The following CLVS1 variants were observed in gnomAD, a reference collection of about 807,000 sequenced individuals.
CLVS1 encodes clavesin-1.
A neutral mutation model predicts 33.1 loss-of-function variants in CLVS1; 10 were observed. The ratio of observed to expected loss-of-function variants is 0.30; its 90% CI spans 0.19 to 0.51. CLVS1 has a LOEUF of 0.51. CLVS1 is among the 20% of genes least tolerant of loss of function. The probability of loss-of-function intolerance (pLI) is 0.97; values close to 1 mark genes in which losing one functional copy is unlikely to be tolerated. For synonymous variants in CLVS1, 163 were observed against 166.1 expected, an observed-to-expected ratio of 0.98 and a Z score of 0.14; for missense variants, 343 against 433.4, an observed-to-expected ratio of 0.79 and a Z score of 1.85.
chr8:61,271,977 C>G (rs1316344819), intron 2 of CLVS1, among the ~76,000 whole-genome samples: 2 of 151,838 alleles, frequency 1.3e-5, no homozygotes, highest in East Asian at 3.9e-4. Flanking sequence ...TTAATTGGAG[C>G]ATTTAGTCCA....
chr8:60,982,864 G>A, the CLVS1 span, among the ~76,000 whole-genome samples: 1 of 152,126 alleles, frequency 6.6e-6, no homozygotes, highest in South Asian at 2.1e-4. Flanking sequence ...CTTGAGACAA[G>A]GAGTTTAAGG....
intron 1 of CLVS1, among the ~76,000 whole-genome samples, chr8:61,113,956 C>A (rs1328844173): frequency 6.6e-6 from 1 of 152,174 alleles, no homozygotes; most frequent in South Asian, 2.1e-4. Context: ...TTACATCAGA[C>A]GACAGCTGAC....
chr8:61,218,588 G>A (rs1404975351), intron 2 of CLVS1, among the ~76,000 whole-genome samples: 1 of 150,964 alleles, frequency 6.6e-6, no homozygotes, highest in Non-Finnish European at 1.5e-5. Context: ...TATATGTATT[G>A]AAACATTACT....
the CLVS1 span, among the ~76,000 whole-genome samples, chr8:60,992,554 C>A: frequency 6.6e-6 from 1 of 152,150 alleles, no homozygotes; most frequent in Non-Finnish European, 1.5e-5. Context: ...AACATTTGTA[C>A]TGGAGAGAAA....
At chr8:61,192,887 C>T (rs1036103596) in intron 2 of CLVS1, among the ~76,000 whole-genome samples, 18 of 151,874 alleles carry the variant, frequency 1.2e-4, no homozygotes, top group African/African-American at 3.6e-4. Context: ...CTGGAGAGGA[C>T]GTGGAGAAAT....
At chr8:61,172,473 T>C (rs542747476) in intron 2 of CLVS1, among the ~76,000 whole-genome samples, 1 of 152,246 alleles carries the variant, frequency 6.6e-6, no homozygotes, top group African/African-American at 2.4e-5. Flanking sequence ...TTTTGCAAAA[T>C]ATGTAATGCA....
intron 2 of CLVS1, among the ~76,000 whole-genome samples, chr8:61,276,191 G>T (rs974309639): frequency 4.5e-4 from 69 of 152,162 alleles, no homozygotes; most frequent in Non-Finnish European, 1.0e-4. Context: ...ATCCAGATTG[G>T]TAATTAGAAA....
chr8:61,342,335 G>C (rs562059650), intron 2 of CLVS1, among the ~76,000 whole-genome samples: 127 of 152,302 alleles, frequency 8.3e-4, no homozygotes, highest in Middle Eastern at 3.4e-3. Flanking sequence ...CCCTGAAAAG[G>C]GGGGATGGTA....
chr8:61,274,268 C>T (rs1380077294), intron 2 of CLVS1, among the ~76,000 whole-genome samples: 3 of 152,118 alleles, frequency 2.0e-5, no homozygotes, highest in Non-Finnish European at 4.4e-5. Context: ...TTTAGGGAAT[C>T]TATTTCATTC....
At chr8:61,376,032 C>A (rs367841417) in intron 2 of CLVS1, among the ~76,000 whole-genome samples, 17 of 152,202 alleles carry the variant, frequency 1.1e-4, no homozygotes, top group African/African-American at 4.1e-4. Context: ...GAAAATAAGT[C>A]ATACTTCCTG....
intron 2 of CLVS1, among the ~76,000 whole-genome samples, chr8:61,375,378 G>T (rs1220468391): frequency 1.3e-5 from 2 of 151,722 alleles, no homozygotes; most frequent in Non-Finnish European, 2.9e-5. Context: ...AGCCTCCCAA[G>T]TAGCTGGGAT....
Position 61,059,475 on chromosome 8 carries a change from C to CATACATATATATAT in CLVS1, c.-243+2248_-243+2249insCATATATATATATA, listed in dbSNP as rs59538219. On this transcript the variant is annotated intron_variant, in intron 1 of 2. Transcript: ENST00000522621. ...ACACACACATATACATACATACATA[C>CATACATATATATAT]ATATATATATATATATATATATATA... 4.4e-4 allele frequency among the ~76,000 whole-genome samples: 22 copies of CATACATATATATAT among 50,176 alleles called. 1 individual carries two copies. Among genetic ancestry groups the CATACATATATATAT allele is most frequent in the African/African-American group, 1.1e-3 (18 of 16,792 alleles). 32.9% of individuals were successfully genotyped at this position (50,176 alleles called of 152,430 possible).
chr8:61,135,934 C>T lies in CLVS1; in HGVS notation c.-152+4074C>T, dbSNP rs192505392. On this transcript the variant is annotated intron_variant, in intron 2 of 2. Transcript: ENST00000522621. ...TGGGCCTGTGCCCTCTCGGGCTCTCCGGCTGACTCTCTGTGGTGATGACTG... is the reference window on the plus strand; with the variant it reads ...TGGGCCTGTGCCCTCTCGGGCTCTCTGGCTGACTCTCTGTGGTGATGACTG... Among the ~76,000 whole-genome samples the T allele has an allele frequency of 3.3e-3, 496 of 152,326 alleles. 3 individuals are homozygous for T. The highest frequency in any genetic ancestry group is 5.7e-3 in the Non-Finnish European group (385 of 68,032).
At chr8:61,472,893 T>C (rs1379309897) in intron 5 of CLVS1, among the ~76,000 whole-genome samples, 2 of 152,134 alleles carry the variant, frequency 1.3e-5, no homozygotes, top group Admixed American at 6.5e-5. Flanking sequence ...GCAGGTGTTA[T>C]CTGCTGAAGA....
At chr8:61,274,170 T>G (rs1402948668) in intron 2 of CLVS1, 1 of 152,190 alleles carries the variant, frequency 6.6e-6, no homozygotes, top group Non-Finnish European at 1.5e-5. Flanking sequence ...CAACAGTAAT[T>G]TATTGAACAC....
chr8:61,495,446 G>T (rs1326261912), intron 5 of CLVS1, among the ~76,000 whole-genome samples: 1 of 152,280 alleles, frequency 6.6e-6, no homozygotes, highest in East Asian at 1.9e-4. Flanking sequence ...CATTATTTGA[G>T]AATTTGATTT....
chr8:61,439,283 G>A (rs1816454883), intron 3 of CLVS1, among the ~76,000 whole-genome samples: 1 of 152,166 alleles, frequency 6.6e-6, no homozygotes, highest in African/African-American at 2.4e-5. Context: ...AACCACTTAG[G>A]GGCCCTCAGG....
At chr8:61,031,048 T>A in the CLVS1 span, among the ~76,000 whole-genome samples, 2 of 152,242 alleles carry the variant, frequency 1.3e-5, no homozygotes, top group Admixed American at 1.3e-4. Context: ...GCTCTGAGTC[T>A]ATGAAGCTCT....
chr8:61,196,722 C>A (rs1230298493), intron 2 of CLVS1, among the ~76,000 whole-genome samples: 1 of 152,166 alleles, frequency 6.6e-6, no homozygotes, highest in Non-Finnish European at 1.5e-5. Flanking sequence ...GTATTTAGGT[C>A]ATTTAGGAGG....
Sources: allele counts gnomAD v4.1 joint callset (sites outside exome capture counted in the v4.1 genomes callset), GRCh38; gene constraint gnomAD v4.1.1; transcripts MANE v1.5; gene names NCBI Gene and HGNC (gene_info 2026-07-23, HGNC 2026-07-21).